SERPINA12: variants seen among roughly 807,000 people sequenced by gnomAD.
The protein encoded by SERPINA12 is serpin family A member 12, also known as serpin A12.
In SERPINA12, 21 loss-of-function variants were observed where a neutral mutation model predicts 25.9. That is an observed-to-expected ratio of 0.81 (90% confidence interval 0.58 to 1.17). SERPINA12 has a LOEUF of 1.17. SERPINA12 is among the 50% of genes most tolerant of loss of function. SERPINA12 has a pLI of 0.00. For missense variants in SERPINA12, 562 were observed against 508.3 expected, an observed-to-expected ratio of 1.11 and a Z score of -1.02; for synonymous variants, 220 against 196.0, an observed-to-expected ratio of 1.12 and a Z score of -1.02.
chr14:94,511,661 C>T, upstream of SERPINA12: 3 of 985,454 alleles, frequency 3.0e-6, no homozygotes, highest in Non-Finnish European at 3.6e-6. Flanking sequence ...CCTCTCTCAC[C>T]TGCCTTTCCC....
chr14:94,495,895 G>T (rs1165578671), intron 3 of SERPINA12, among the ~76,000 whole-genome samples: 3 of 152,162 alleles, frequency 2.0e-5, no homozygotes, highest in Non-Finnish European at 4.4e-5. Flanking sequence ...GTTTTAAAAA[G>T]AAAAATATTT....
chr14:94,489,147 G>GAA (rs1489942841), intron 4 of SERPINA12, among the ~76,000 whole-genome samples: 2 of 146,658 alleles, frequency 1.4e-5, no homozygotes, highest in African/African-American at 2.5e-5. Flanking sequence ...GAGAGAGAGA[G>GAA]AGAGAAAGAA....
chr14:94,495,798 A>G, intron 3 of SERPINA12, among the ~76,000 whole-genome samples: 1 of 151,768 alleles, frequency 6.6e-6, no homozygotes, highest in East Asian at 1.9e-4. Context: ...CCCAACACCA[A>G]CTCTTACCTT....
chr14:94,498,862 C>T (rs947309640), intron 1 of SERPINA12, among the ~76,000 whole-genome samples: 1 of 152,164 alleles, frequency 6.6e-6, no homozygotes, highest in Non-Finnish European at 1.5e-5. Context: ...TAAGGGAATG[C>T]AAAACCCCCT....
Position 94,498,112 on chromosome 14 carries a change from C to T in SERPINA12, c.286G>A (p.Asp96Asn), listed in dbSNP as rs748097605. ...LCLGAQDSTL[D>N]EIKQGFNFRK... ...AAGTTGAACCCCTGCTTGATCTCGT[C>T]CAGGGTGCTGTCCTGGGCACCCAGG... is the stretch of plus-strand genomic sequence containing the variant. Residue 96 changes from aspartate to asparagine, a missense_variant, in exon 2 of 5, where the codon GAC (aspartate) becomes AAC (asparagine). By Grantham distance (23) the Asp-to-Asn change is conservative. Transcript: ENST00000677451. 6.8e-6 allele frequency: 11 copies of T among 1,614,064 alleles called. No homozygotes were observed. The highest frequency in any genetic ancestry group is 9.3e-6 in the Non-Finnish European group (11 of 1,180,024).
At chr14:94,510,717 C>T (rs1901088672), upstream of SERPINA12, among the ~76,000 whole-genome samples, 1 of 152,096 alleles carries the variant, frequency 6.6e-6, no homozygotes, top group African/African-American at 2.4e-5. Flanking sequence ...ACAATAAATC[C>T]ATAAAGAAAA....
intron 2 of SERPINA12, among the ~76,000 whole-genome samples, chr14:94,514,604 C>A (rs1901187170): frequency 6.6e-6 from 1 of 152,194 alleles, no homozygotes; most frequent in African/African-American, 2.4e-5. Flanking sequence ...GGGTGGGGTG[C>A]AATTGGGTCC....
At chr14:94,514,158 C>T (rs1307324591), upstream of SERPINA12, among the ~76,000 whole-genome samples, 2 of 152,322 alleles carry the variant, frequency 1.3e-5, no homozygotes, top group East Asian at 1.9e-4. Context: ...TACTCCATGG[C>T]GGCTGACTTG....
intron 1 of SERPINA12, chr14:94,500,991 C>A (rs1220759539): frequency 2.0e-6 from 2 of 984,596 alleles, no homozygotes; most frequent in Non-Finnish European, 2.4e-6. Context: ...AACCTGGGTG[C>A]TCTCTAAGCA....
chr14:94,512,542 C>A (rs905855161), upstream of SERPINA12, among the ~76,000 whole-genome samples: 2 of 152,144 alleles, frequency 1.3e-5, no homozygotes, highest in African/African-American at 2.4e-5. Flanking sequence ...AACATGATGA[C>A]AGGGAGCTGA....
chr14:94,488,578 G>A (rs539589800), intron 4 of SERPINA12, among the ~76,000 whole-genome samples: 11 of 152,136 alleles, frequency 7.2e-5, no homozygotes, highest in South Asian at 6.2e-4. Context: ...AGTGTGTCCC[G>A]TGAAATATTC....
chr14:94,493,196 T>C (rs2236244), intron 3 of SERPINA12, among the ~76,000 whole-genome samples: 2,738 of 152,290 alleles, frequency 0.018, 87 homozygotes, highest in East Asian at 0.12. Context: ...TCAAAGCAAC[T>C]TGACCACTTA....
chr14:94,510,570 G>A (rs1901082806), upstream of SERPINA12, among the ~76,000 whole-genome samples: 1 of 152,196 alleles, frequency 6.6e-6, no homozygotes, highest in African/African-American at 2.4e-5. Flanking sequence ...GGAACTAAAA[G>A]GAGAGCTACC....
At chr14:94,503,097 G>T in intron 1 of SERPINA12, 1 of 709,384 alleles carries the variant, frequency 1.4e-6, no homozygotes, top group Non-Finnish European at 1.7e-6. Flanking sequence ...CTGCTCTGTG[G>T]CTCACCTGTT....
chr14:94,489,993 C>T lies in SERPINA12; in HGVS notation c.906-226G>A, dbSNP rs186198925. Reference sequence around the variant, plus strand: ...CCTCCCAGCACACCTGCCCCAGAGCCCTCTACAGGGAGTGTTCTCAAGTCT... The same window carrying T: ...CCTCCCAGCACACCTGCCCCAGAGCTCTCTACAGGGAGTGTTCTCAAGTCT... On this transcript the variant is annotated intron_variant, in intron 3 of 4. Coordinates refer to ENST00000677451, the MANE Select transcript of SERPINA12 (RefSeq NM_001382267.1). Among the ~76,000 whole-genome samples the T allele has an allele frequency of 5.9e-5, 9 of 152,184 alleles. No homozygotes were observed. In the East Asian group the frequency reaches 1.4e-3, roughly 23 times the overall value.
chr14:94,501,232 G>A, intron 1 of SERPINA12: 1 of 907,150 alleles, frequency 1.1e-6, no homozygotes, highest in Non-Finnish European at 1.3e-6. Flanking sequence ...TTCAGAGTGG[G>A]CGCAAGTTCC....
At position 94,498,361 on chromosome 14, in the gene SERPINA12, C is replaced by G. The variant is rs1207358101; in HGVS notation, c.37G>C (p.Val13Leu). 1 of 1,613,912 alleles carries G rather than the reference C, an allele frequency of 6.2e-7. No individual in the cohort carries two copies. Among genetic ancestry groups the G allele is most frequent in the African/African-American group, 1.3e-5 (1 of 74,878 alleles). ...AGAAGACCTTTCACCGTGAGGAGAACAGCCAGAAAAATGGCCAGGCCTAGT... is the reference window on the plus strand; with the variant it reads ...AGAAGACCTTTCACCGTGAGGAGAAGAGCCAGAAAAATGGCCAGGCCTAGT... ...PTLGLAIFLA[V>L]LLTVKGLLKP... The change falls in exon 2 of 5, where the codon GTT (valine) becomes CTT (leucine). Residue 13 changes from valine (V) to leucine (L), a missense_variant. Coordinates refer to ENST00000677451, the MANE Select transcript of SERPINA12 (RefSeq NM_001382267.1).
chr14:94,498,196 G>C lies in SERPINA12; in HGVS notation c.202C>G (p.Pro68Ala). The stretch of plus-strand genomic sequence containing the variant: ...GGGGATAGGAAGATGTTCCTGCCAG[G>C]GTTGTAAAAGGCCAGCTTCTTGAGC... Reference protein sequence around the residue: ...KLLKKLAFYNPGRNIFLSPLS... With the variant: ...KLLKKLAFYNAGRNIFLSPLS... The change falls in exon 2 of 5, where the codon CCT becomes GCT. Residue 68 changes from proline (P) to alanine (A), a missense_variant. Transcript: ENST00000677451. 6.2e-7 allele frequency: 1 copy of C among 1,614,198 alleles called. No individual in the cohort carries two copies. Among genetic ancestry groups the C allele is most frequent in the Non-Finnish European group, 8.5e-7 (1 of 1,180,044 alleles).
upstream of SERPINA12, among the ~76,000 whole-genome samples, chr14:94,512,206 C>T (rs530455908): frequency 3.9e-5 from 6 of 152,256 alleles, no homozygotes; most frequent in African/African-American, 9.6e-5. Flanking sequence ...CAAAAAAAGC[C>T]GCAGCTCCAT....
Sources: gnomAD v4.1 joint callset for allele counts (sites outside exome capture counted in the v4.1 genomes callset) on GRCh38, gnomAD v4.1.1 for gene constraint, MANE v1.5 for transcripts, NCBI Gene and HGNC (gene_info 2026-07-23, HGNC 2026-07-21) for gene names.